RASGEF1B: variants seen among roughly 807,000 people sequenced by gnomAD.
The protein encoded by RASGEF1B is RasGEF domain family member 1B.
A neutral mutation model predicts 65.7 loss-of-function variants in RASGEF1B; 30 were observed. The ratio of observed to expected loss-of-function variants is 0.46; its 90% confidence interval spans 0.34 to 0.62. The LOEUF is 0.62. Ranked by LOEUF, RASGEF1B falls within the 20% of genes least tolerant of loss-of-function variation. The pLI, the probability that RASGEF1B is intolerant of heterozygous loss-of-function variation, is 0.01. For missense variants in RASGEF1B, 495 were observed against 580.1 expected (o/e 0.85, Z 1.51); for synonymous variants, 175 against 194.8 (o/e 0.90, Z 0.85).
chr4:81,461,339 T>C (rs535362543), intron 1 of RASGEF1B, among the ~76,000 whole-genome samples: 1 of 152,342 alleles, frequency 6.6e-6, no homozygotes, highest in African/African-American at 2.4e-5. Flanking sequence ...TTGTCTGGAT[T>C]TGGTTGCCTC....
chr4:81,434,513 A>G (rs1422132692), intron 11 of RASGEF1B, 126 bp downstream of exon 11: 3 of 689,748 alleles, frequency 4.3e-6, no homozygotes, highest in South Asian at 3.2e-5. Context: ...ACAAAATAAT[A>G]TGGAAAGAGA....
At position 81,448,186 on chromosome 4, in the gene RASGEF1B, G is replaced by A. The variant is rs376190954; in HGVS notation, c.537C>T (p.Ser179=). 1 of 1,613,972 alleles carries A rather than the reference G, an allele frequency of 6.2e-7. No individual in the cohort carries two copies. The highest frequency in any genetic ancestry group is 8.5e-7 in the Non-Finnish European group (1 of 1,180,026). Residue 179 remains serine (S), a synonymous_variant, in exon 5 of 14, where the codon TCC becomes TCT. Transcript: ENST00000264400. The part of the protein sequence containing the change: ...QYEEVLAKIS[S]TSTDRLTVLK... ...GAACTGTGAGCCGATCTGTGGATGT[G>A]GAGCTGATTTTTGCCAGGACTTCTT...
chr4:81,456,900 T>G, intron 3 of RASGEF1B, 112 bp from the exon 4 acceptor site: 1 of 966,596 alleles, frequency 1.0e-6, no homozygotes, highest in Non-Finnish European at 1.5e-6. Context: ...TCTTTAGGGA[T>G]GAAGAAGAAG....
At chr4:81,469,235 G>A (rs188367804) in intron 1 of RASGEF1B, among the ~76,000 whole-genome samples, 23 of 152,218 alleles carry the variant, frequency 1.5e-4, no homozygotes, top group Admixed American at 1.2e-3. Context: ...TATTATGTGT[G>A]GCATCAGAAT....
rs757440618 is a variant in RASGEF1B, at chr4:81,434,635, T to G, written c.1200+4A>C. ...ATTTTTGTATCCTACTTTATCACAC[T>G]CACCTCAAAATTGACATGGCCATTG... On this transcript the variant is annotated splice_donor_region_variant and intron_variant, in intron 11 of 13. Transcript: ENST00000264400. 6.5e-7 allele frequency: 1 copy of G among 1,549,870 alleles called. No homozygotes were observed. The highest frequency in any genetic ancestry group is 1.1e-5 in the South Asian group (1 of 89,668).
chr4:81,468,837 C>T (rs1056176309), intron 1 of RASGEF1B, among the ~76,000 whole-genome samples: 1 of 152,168 alleles, frequency 6.6e-6, no homozygotes, highest in Non-Finnish European at 1.5e-5. Flanking sequence ...GCAGTTATGA[C>T]AGACCTAAAG....
At chr4:81,452,540 C>T (rs1185171322) in intron 4 of RASGEF1B, 1 of 152,174 alleles carries the variant, frequency 6.6e-6, no homozygotes, top group Non-Finnish European at 1.5e-5. Flanking sequence ...AGCTATTCAA[C>T]AACAACTAGT....
intron 1 of RASGEF1B, among the ~76,000 whole-genome samples, chr4:81,464,394 A>T (rs2109996677): frequency 6.6e-6 from 1 of 152,368 alleles, no homozygotes; most frequent in South Asian, 2.1e-4. Flanking sequence ...TCCTTCAGAA[A>T]AAAAGAGATT....
chr4:81,457,119 C>T (rs376568274), intron 3 of RASGEF1B, among the ~76,000 whole-genome samples: 12 of 152,264 alleles, frequency 7.9e-5, no homozygotes, highest in East Asian at 3.9e-4. Flanking sequence ...CAGGTTCAAG[C>T]GATTCTCCTG....
intron 4 of RASGEF1B, chr4:81,455,397 C>G (rs1578633782): frequency 1.3e-5 from 2 of 152,178 alleles, no homozygotes; most frequent in South Asian, 2.1e-4. Flanking sequence ...ATGATCGCAA[C>G]TCTACACTCT....
chr4:81,449,106 C>T (rs189875107), intron 4 of RASGEF1B, among the ~76,000 whole-genome samples: 1 of 152,338 alleles, frequency 6.6e-6, no homozygotes, highest in East Asian at 1.9e-4. Context: ...GCCACCGCGT[C>T]TGGCCTACCA....
intron 1 of RASGEF1B, among the ~76,000 whole-genome samples, chr4:81,466,770 A>AAAAG (rs1553947087): frequency 0.047 from 1,700 of 36,086 alleles, 93 homozygotes; most frequent in South Asian, 0.058. Flanking sequence ...AAAAAAAAAA[A>AAAAG]AAAGAAAGAA....
intron 6 of RASGEF1B, 97 bp downstream of exon 6, chr4:81,447,407 C>G (rs1722064318): frequency 1.1e-6 from 1 of 894,834 alleles, no homozygotes; most frequent in Non-Finnish European, 1.8e-6. Flanking sequence ...AAATCTACAA[C>G]AGAATATAGT....
At chr4:81,445,976 A>T in intron 6 of RASGEF1B, 138 bp from the exon 7 acceptor site, 1 of 643,892 alleles carries the variant, frequency 1.6e-6, no homozygotes, top group Non-Finnish European at 2.7e-6. Flanking sequence ...AGAGAGAGAA[A>T]GACAACCACT....
chr4:81,455,516 G>A (rs1005945780), intron 4 of RASGEF1B: 7 of 152,186 alleles, frequency 4.6e-5, no homozygotes, highest in Non-Finnish European at 1.0e-4. Context: ...ATTCATAATG[G>A]AAAATGCATT....
intron 8 of RASGEF1B, among the ~76,000 whole-genome samples, chr4:81,444,000 T>G (rs894020719): frequency 6.6e-6 from 1 of 152,240 alleles, no homozygotes; most frequent in African/African-American, 2.4e-5. Flanking sequence ...AATATTTTGC[T>G]GCAATTTAAT....
At chr4:81,437,176 G>C (rs1721657158) in intron 10 of RASGEF1B, among the ~76,000 whole-genome samples, 1 of 152,206 alleles carries the variant, frequency 6.6e-6, no homozygotes, top group African/African-American at 2.4e-5. Context: ...TTGGCAAACT[G>C]TGGCCCTCAG....
chr4:81,450,607 G>A (rs964305523), intron 4 of RASGEF1B, among the ~76,000 whole-genome samples: 2 of 152,080 alleles, frequency 1.3e-5, no homozygotes, highest in African/African-American at 4.8e-5. Context: ...GTTTTGCCAT[G>A]TTAGCAAGGA....
At chr4:81,430,597 C>CAGCA (rs1353897944) in intron 13 of RASGEF1B, among the ~76,000 whole-genome samples, 1 of 152,206 alleles carries the variant, frequency 6.6e-6, no homozygotes, top group African/African-American at 2.4e-5. Context: ...GAGGTTTGAG[C>CAGCA]AGCAGGGCAC....
Sources: allele counts gnomAD v4.1 joint callset (sites outside exome capture counted in the v4.1 genomes callset), GRCh38; gene constraint gnomAD v4.1.1; transcripts MANE v1.5; gene names NCBI Gene and HGNC (gene_info 2026-07-23, HGNC 2026-07-21).